ROBO1: variants seen among roughly 807,000 people sequenced by gnomAD.
ROBO1 encodes roundabout guidance receptor 1.
ROBO1 carries 149 observed loss-of-function variants against 195.9 expected under a neutral mutation model. The observed-to-expected ratio is 0.76, with a 90% CI of 0.67 to 0.87. ROBO1 has a LOEUF of 0.87. ROBO1 is among the 40% of genes least tolerant of loss of function. The pLI is 0.00. For missense variants in ROBO1, 1,933 were observed against 2,068.3 expected (o/e 0.93, Z 1.27); for synonymous variants, 816 against 733.2 (o/e 1.11, Z -1.82).
intron 4 of ROBO1, among the ~76,000 whole-genome samples, chr3:78,809,058 G>A (rs1418254737): frequency 2.0e-5 from 3 of 151,932 alleles, no homozygotes; most frequent in Non-Finnish European, 2.9e-5. Flanking sequence ...GAGTGAACAG[G>A]CAACCTACAG....
chr3:78,832,149 C>T (rs1044950085), intron 4 of ROBO1, among the ~76,000 whole-genome samples: 1 of 152,158 alleles, frequency 6.6e-6, no homozygotes, highest in African/African-American at 2.4e-5. Context: ...AAAAAAGAGT[C>T]ACCCAAAGAT....
chr3:79,556,359 C>T (rs534071929), intron 2 of ROBO1, among the ~76,000 whole-genome samples: 1 of 151,898 alleles, frequency 6.6e-6, no homozygotes, highest in Non-Finnish European at 1.5e-5. Context: ...ATAAATAGAT[C>T]CGCTAGTTGT....
In ROBO1 at chr3:79,491,324, T is replaced by C. The variant is rs151187810; in HGVS notation, c.88+98500A>G. Among the ~76,000 whole-genome samples, 171 of 152,250 alleles carry C rather than the reference T, an allele frequency of 1.1e-3. 1 individual carries two copies. In the Middle Eastern group the frequency reaches 0.037, roughly 33 times the overall value. On this transcript the variant is annotated intron_variant, in intron 2 of 30. Coordinates refer to ENST00000464233, the MANE Select transcript of ROBO1 (RefSeq NM_002941.4). ...TTCATTTTTGGCTTGCTGCTTTAATTGATTACTCCAGCATCTGGAAGCTGG... is the reference window on the plus strand; with the variant it reads ...TTCATTTTTGGCTTGCTGCTTTAATCGATTACTCCAGCATCTGGAAGCTGG...
At chr3:78,609,690 AT>A (rs1270680777) in intron 28 of ROBO1, among the ~76,000 whole-genome samples, 1 of 152,102 alleles carries the variant, frequency 6.6e-6, no homozygotes, top group Non-Finnish European at 1.5e-5. Flanking sequence ...GTTTCCAGAT[AT>A]TTTATTATTA....
At chr3:78,778,908 A>G (rs1189924927) in intron 4 of ROBO1, among the ~76,000 whole-genome samples, 1 of 152,184 alleles carries the variant, frequency 6.6e-6, no homozygotes, top group Non-Finnish European at 1.5e-5. Context: ...TAGTACCAAA[A>G]CAAATACCTA....
chr3:79,058,875 G>A lies in ROBO1; in HGVS notation c.172+66581C>T, dbSNP rs142968975. Among the ~76,000 whole-genome samples, 68 of 152,054 alleles carry A rather than the reference G, an allele frequency of 4.5e-4. 1 individual carries two copies. Among genetic ancestry groups the A allele is most frequent in the African/African-American group, 1.4e-3 (59 of 41,510 alleles). On this transcript the variant is annotated intron_variant, in intron 3 of 30. Transcript: ENST00000464233. ...TAAGAGATTTGTTTTCACTTTAATC[G>A]CTGTTATAATGGGCCTAAATACAGT...
At chr3:79,534,356 T>G (rs1941775489) in intron 2 of ROBO1, among the ~76,000 whole-genome samples, 1 of 152,050 alleles carries the variant, frequency 6.6e-6, no homozygotes, top group African/African-American at 2.4e-5. Context: ...TGCGACCATT[T>G]CTATGTAGAG....
intron 1 of ROBO1, among the ~76,000 whole-genome samples, chr3:79,759,969 G>A (rs1003027690): frequency 6.6e-6 from 1 of 152,192 alleles, no homozygotes; most frequent in African/African-American, 2.4e-5. Context: ...GGGAGTGGTG[G>A]CTCATGCCTG....
At chr3:79,269,232 G>T (rs150139772) in intron 2 of ROBO1, among the ~76,000 whole-genome samples, 2 of 151,854 alleles carry the variant, frequency 1.3e-5, no homozygotes, top group Non-Finnish European at 3.0e-5. Context: ...AATAATATGA[G>T]AAGTTAAACT....
intron 2 of ROBO1, among the ~76,000 whole-genome samples, chr3:79,287,784 T>C (rs34273188): frequency 0.24 from 35,808 of 152,122 alleles, 4,820 homozygotes; most frequent in Non-Finnish European, 0.31. Flanking sequence ...AATTTAAATA[T>C]ACTAATACTT....
At chr3:79,101,609 CTT>C (rs2079677919) in intron 3 of ROBO1, among the ~76,000 whole-genome samples, 2 of 151,712 alleles carry the variant, frequency 1.3e-5, no homozygotes, top group African/African-American at 4.8e-5. Flanking sequence ...GGGTTTTACT[CTT>C]GGCAGAGCTC....
chr3:79,474,147 T>C (rs1187483711), intron 2 of ROBO1, among the ~76,000 whole-genome samples: 1 of 152,274 alleles, frequency 6.6e-6, no homozygotes, highest in East Asian at 1.9e-4. Flanking sequence ...CCTCATGCTC[T>C]TTCAAGCTTT....
rs1276989932 is a variant in ROBO1 at position 79,627,782 on chromosome 3, A to C, written c.-50-37821T>G. 2.0e-5 allele frequency among the ~76,000 whole-genome samples: 3 copies of C among 152,232 alleles called. No individual in the cohort carries two copies. The East Asian group carries it at 5.8e-4, about 29-fold the overall frequency. Reference sequence around the variant, plus strand: ...AAAGGTCTAATATCCAGCATTTACAAGGAACTTAAACAAATTTACCAGAAA... The same window carrying C: ...AAAGGTCTAATATCCAGCATTTACACGGAACTTAAACAAATTTACCAGAAA... On this transcript the variant is annotated intron_variant, in intron 1 of 30. Coordinates refer to ENST00000464233, the MANE Select transcript of ROBO1 (RefSeq NM_002941.4).
intron 8 of ROBO1, among the ~76,000 whole-genome samples, chr3:78,706,294 A>G (rs150391142): frequency 2.0e-5 from 3 of 152,156 alleles, no homozygotes; most frequent in East Asian, 3.9e-4. Context: ...AAGCCCAGAG[A>G]TAAGCTACAT....
intron 4 of ROBO1, among the ~76,000 whole-genome samples, chr3:78,767,043 C>A (rs1025081262): frequency 2.0e-5 from 3 of 152,080 alleles, no homozygotes; most frequent in Non-Finnish European, 4.4e-5. Context: ...AGGATTTTAG[C>A]ATCTGTGTTC....
At chr3:79,712,390 A>G (rs4856287) in intron 1 of ROBO1, among the ~76,000 whole-genome samples, 43,077 of 152,060 alleles carry the variant, frequency 0.28, 7,651 homozygotes, top group East Asian at 0.57. Flanking sequence ...AGAAGATGAA[A>G]CAAGCCACAA....
chr3:79,485,172 A>C (rs1208824428), intron 2 of ROBO1, among the ~76,000 whole-genome samples: 1 of 152,164 alleles, frequency 6.6e-6, no homozygotes, highest in Non-Finnish European at 1.5e-5. Flanking sequence ...GCCATCAATA[A>C]ATATTTGTTG....
At chr3:78,817,422 C>CAA (rs137924661) in intron 4 of ROBO1, among the ~76,000 whole-genome samples, 2 of 150,568 alleles carry the variant, frequency 1.3e-5, no homozygotes, top group African/African-American at 4.9e-5. Flanking sequence ...CACTGGAATA[C>CAA]AAAAAAAAAT....
chr3:79,640,048 G>T (rs374515899), intron 1 of ROBO1, among the ~76,000 whole-genome samples: 48 of 152,160 alleles, frequency 3.2e-4, no homozygotes, highest in South Asian at 1.7e-3. Context: ...TAAAGAAATT[G>T]GTATTGAGTC....
Sources: gnomAD v4.1 joint callset for allele counts (sites outside exome capture counted in the v4.1 genomes callset) on GRCh38, gnomAD v4.1.1 for gene constraint, MANE v1.5 for transcripts, NCBI Gene and HGNC (gene_info 2026-07-23, HGNC 2026-07-21) for gene names.